Variants in PHACTR3 observed in about 807,000 individuals in gnomAD.
PHACTR3 encodes phosphatase and actin regulator 3, also known as protein phosphatase 1, regulatory subunit 123.
PHACTR3 carries 16 observed loss-of-function variants against 66.8 expected under a neutral mutation model. The ratio of observed to expected loss-of-function variants is 0.24; its 90% CI spans 0.16 to 0.36. The LOEUF is 0.36. Ranked by LOEUF, PHACTR3 falls within the 10% of genes least tolerant of loss-of-function variation. The pLI is 1.00. For synonymous variants in PHACTR3, 323 were observed against 292.1 expected (o/e 1.11, Z -1.08); for missense variants, 647 against 719.9 (o/e 0.90, Z 1.16).
intron 1 of PHACTR3, among the ~76,000 whole-genome samples, chr20:59,578,983 G>A (rs1251897248): frequency 6.6e-6 from 1 of 152,180 alleles, no homozygotes; most frequent in Non-Finnish European, 1.5e-5. Flanking sequence ...CCTCTAGGGT[G>A]CTCCCCTCTA....
intron 1 of PHACTR3, among the ~76,000 whole-genome samples, chr20:59,688,572 C>T (rs898118161): frequency 6.6e-6 from 1 of 152,182 alleles, no homozygotes; most frequent in African/African-American, 2.4e-5. Context: ...TCAGCTCCAA[C>T]CTCCAATCCT....
chr20:59,738,121 T>C lies in PHACTR3; in HGVS notation c.119-4986T>C, dbSNP rs182489762. Among the ~76,000 whole-genome samples the C allele has an allele frequency of 2.6e-5, 4 of 152,168 alleles. No homozygotes were observed. In the East Asian group the frequency reaches 7.8e-4, roughly 29 times the overall value. On this transcript the variant is annotated intron_variant, in intron 1 of 12. Coordinates refer to ENST00000371015, the MANE Select transcript of PHACTR3 (RefSeq NM_080672.5). The surrounding 1 kb of genome is among the most constrained non-coding windows in gnomAD (Gnocchi z 4.4). ...CCTTCCACCAGTGGAAGCAGTCACA[T>C]AGCCACAGCAAGAAGGAGACACCAT... is the stretch of plus-strand genomic sequence containing the variant.
At chr20:59,733,515 C>T (rs896221197) in intron 1 of PHACTR3, among the ~76,000 whole-genome samples, 2 of 152,134 alleles carry the variant, frequency 1.3e-5, no homozygotes, top group African/African-American at 4.8e-5. Context: ...ACTTCTTCCT[C>T]CTCCCAGCCC....
chr20:59,687,890 T>C (rs79556313), intron 1 of PHACTR3, among the ~76,000 whole-genome samples: 2,413 of 152,276 alleles, frequency 0.016, 64 homozygotes, highest in African/African-American at 0.054. Context: ...TGTGGTCAGC[T>C]GGTTGCTCCC....
chr20:59,844,263 CA>C (rs2059114115), intron 11 of PHACTR3: 1 of 152,042 alleles, frequency 6.6e-6, no homozygotes. Context: ...GGAGACTCCT[CA>C]AAATATTGTT....
intron 5 of PHACTR3, among the ~76,000 whole-genome samples, chr20:59,770,575 T>C (rs901401106): frequency 1.3e-5 from 2 of 152,180 alleles, no homozygotes; most frequent in African/African-American, 4.8e-5. Context: ...AAGTCCAAGA[T>C]CAGGGTGCCG....
intron 1 of PHACTR3, among the ~76,000 whole-genome samples, chr20:59,590,867 T>C (rs1217901867): frequency 1.3e-5 from 2 of 152,124 alleles, no homozygotes; most frequent in Admixed American, 6.5e-5. Context: ...GGACCCTCTT[T>C]TATAAGGCAC....
intron 1 of PHACTR3, among the ~76,000 whole-genome samples, chr20:59,613,850 C>G (rs2033938635): frequency 6.6e-6 from 1 of 152,168 alleles, no homozygotes; most frequent in African/African-American, 2.4e-5. Context: ...TATGTCCATT[C>G]AAATTTTATT....
chr20:59,783,325 A>G (rs1028726391), intron 7 of PHACTR3, among the ~76,000 whole-genome samples: 4 of 152,166 alleles, frequency 2.6e-5, no homozygotes, highest in Non-Finnish European at 5.9e-5. Context: ...CAGCGGAGGC[A>G]GGTCTGGCCC....
At chr20:59,777,843 A>G (rs1262434847) in intron 7 of PHACTR3, among the ~76,000 whole-genome samples, 1 of 151,958 alleles carries the variant, frequency 6.6e-6, no homozygotes, top group Admixed American at 6.5e-5. Flanking sequence ...GACCCTGATG[A>G]ATCTGATTTG....
chr20:59,782,743 T>C (rs961674114), intron 7 of PHACTR3, among the ~76,000 whole-genome samples: 3 of 152,280 alleles, frequency 2.0e-5, no homozygotes, highest in Non-Finnish European at 4.4e-5. Flanking sequence ...TTATCTCCCA[T>C]TGGGTCCCTC....
Position 59,604,877 on chromosome 20 carries a change from C to CTTGTTTTTTTTTT in PHACTR3, c.-136_-135insGTTTTTTTTTTTT. Reference sequence around the variant, plus strand: ...TCTCCAGCTCGTTTCCTTTCCCGGCCTTTTTTTTTTTTTTTTTTTTTTAAT... The same window carrying CTTGTTTTTTTTTT: ...TCTCCAGCTCGTTTCCTTTCCCGGCCTTGTTTTTTTTTTTTTTTTTTTTTTTTTTTTTTTTAAT... On this transcript the variant is annotated 5_prime_UTR_variant, in exon 1 of 13. Coordinates refer to ENST00000371015, the MANE Select transcript of PHACTR3 (RefSeq NM_080672.5). 1.0e-6 allele frequency: 1 copy of CTTGTTTTTTTTTT among 977,908 alleles called. No homozygotes were observed. Among genetic ancestry groups the CTTGTTTTTTTTTT allele is most frequent in the Non-Finnish European group, 1.2e-6 (1 of 829,326 alleles). 60.6% of individuals were successfully genotyped at this position (977,908 alleles called of 1,614,324 possible). A position where few individuals can be genotyped will look rare whatever the true frequency, so the allele number is the denominator to read the frequency against.
At chr20:59,633,446 A>C (rs1304581622) in intron 1 of PHACTR3, among the ~76,000 whole-genome samples, 2 of 152,164 alleles carry the variant, frequency 1.3e-5, no homozygotes, top group Non-Finnish European at 2.9e-5. Context: ...GTGGGAGTTG[A>C]ACATTGAGAA....
chr20:59,766,173 G>C (rs549947413), intron 4 of PHACTR3, among the ~76,000 whole-genome samples: 2 of 152,178 alleles, frequency 1.3e-5, no homozygotes, highest in Non-Finnish European at 2.9e-5. Context: ...GCAGGCAAAG[G>C]TGGGAAGCTG....
At chr20:59,833,280 C>A (rs766585983) in intron 8 of PHACTR3, among the ~76,000 whole-genome samples, 58 of 152,250 alleles carry the variant, frequency 3.8e-4, no homozygotes, top group Admixed American at 6.5e-5. Flanking sequence ...TGGACCACTA[C>A]CAGACTGCCT....
rs1181834016 is a variant in PHACTR3 at position 59,604,540 on chromosome 20, A to C, written c.-475A>C. On this transcript the variant is annotated 5_prime_UTR_variant, in exon 1 of 13. Transcript: ENST00000371015. ...AACAGATGCTCCAAGAACAGCTTTC[A>C]GATTAAAGCAATTGCAAGAGCAAAG... 5 of 755,254 alleles carry C rather than the reference A, an allele frequency of 6.6e-6. No individual in the cohort carries two copies. The highest frequency in any genetic ancestry group is 7.9e-6 in the Non-Finnish European group (5 of 628,968). The allele number at this position is 755,254 out of a possible 1,614,324, so 46.8% of individuals were successfully genotyped here.
chr20:59,797,572 A>C (rs2146971888), intron 7 of PHACTR3, among the ~76,000 whole-genome samples: 1 of 152,262 alleles, frequency 6.6e-6, no homozygotes, highest in East Asian at 1.9e-4. Context: ...GCAGTAATAT[A>C]GTCTCTGTGC....
intron 1 of PHACTR3, among the ~76,000 whole-genome samples, chr20:59,614,212 A>C (rs2033949606): frequency 6.6e-6 from 1 of 152,234 alleles, no homozygotes; most frequent in Non-Finnish European, 1.5e-5. Flanking sequence ...TACATGGAAT[A>C]GATATGTGTG....
intron 3 of PHACTR3, among the ~76,000 whole-genome samples, 191 bp downstream of exon 3, chr20:59,748,026 C>T (rs1182472): frequency 0.73 from 111,259 of 152,118 alleles, 40,975 homozygotes; most frequent in East Asian, 0.88. Context: ...CCCAGGGGCA[C>T]GGGAGACCCC....
Sources: gnomAD v4.1 joint callset for allele counts (sites outside exome capture counted in the v4.1 genomes callset) on GRCh38, gnomAD v4.1.1 for gene constraint, Gnocchi (gnomAD v3.1) non-coding constraint, MANE v1.5 for transcripts, NCBI Gene and HGNC (gene_info 2026-07-23, HGNC 2026-07-21) for gene names.